Variants in ZFP90 observed in about 807,000 individuals in gnomAD.
ZFP90 encodes zinc finger protein 90 homolog.
In ZFP90, 38 loss-of-function variants were observed where a neutral mutation model predicts 60.8. The ratio of observed to expected loss-of-function variants is 0.62; its 90% CI spans 0.48 to 0.82. ZFP90 has a LOEUF of 0.82. Among genes scored for constraint, ZFP90 ranks in the 40% least tolerant of loss-of-function variants. The pLI is 0.00. For missense variants in ZFP90, 711 were observed against 759.1 expected (o/e 0.94, Z 0.74); for synonymous variants, 287 against 264.8 (o/e 1.08, Z -0.82).
intron 2 of ZFP90, among the ~76,000 whole-genome samples, chr16:68,551,820 G>A (rs1166013648): frequency 3.9e-5 from 6 of 151,938 alleles, no homozygotes; most frequent in African/African-American, 9.7e-5. Flanking sequence ...GTGCAGTGGC[G>A]TGATCTCGGC....
At chr16:68,558,346 C>A in intron 3 of ZFP90, 127 bp from the exon 4 acceptor site, 1 of 1,108,246 alleles carries the variant, frequency 9.0e-7, no homozygotes, top group Non-Finnish European at 1.3e-6. Context: ...TTGCATGACT[C>A]CTTAAGTTGC....
chr16:68,563,927 C>T lies in ZFP90; in HGVS notation c.1140C>T (p.Ser380=), dbSNP rs2091476139. 1 of 1,613,840 alleles carries T rather than the reference C, an allele frequency of 6.2e-7. No homozygotes were observed. Among genetic ancestry groups the T allele is most frequent in the African/African-American group, 1.3e-5 (1 of 74,842 alleles). Residue 380 remains serine (S), a synonymous_variant, in exon 5 of 5, where the codon TCC becomes TCT. Coordinates refer to ENST00000563169, the MANE Select transcript of ZFP90 (RefSeq NM_001305203.2). ...GGAAAGCCTTTAGTCGATGTTCTTC[C>T]CTTGTCCAACATGAGAGGACTCATA... ...ECGKAFSRCS[S]LVQHERTHTG...
At chr16:68,544,731 TCTGTCCAGAG>T (rs1330726452) in intron 2 of ZFP90, among the ~76,000 whole-genome samples, 1 of 152,134 alleles carries the variant, frequency 6.6e-6, no homozygotes, top group African/African-American at 2.4e-5. Flanking sequence ...CCGAGCTCCC[TCTGTCCAGAG>T]GTTCCCCTTC....
intron 2 of ZFP90, among the ~76,000 whole-genome samples, chr16:68,547,220 T>A (rs2091167539): frequency 6.6e-6 from 1 of 152,236 alleles, no homozygotes; most frequent in South Asian, 2.1e-4. Flanking sequence ...TTTACATTCT[T>A]AACAGTGCAC....
rs974838601 is a variant in ZFP90, at chr16:68,566,995, G to C, written c.*2297G>C. 23 of 985,496 alleles carry C rather than the reference G, an allele frequency of 2.3e-5. No individual in the cohort carries two copies. The Middle Eastern group carries it at 1.5e-3, about 66-fold the overall frequency. 61.0% of individuals were successfully genotyped at this position (985,496 alleles called of 1,614,324 possible). A position where few individuals can be genotyped will look rare whatever the true frequency, so the allele number is the denominator to read the frequency against. Reference sequence around the variant, plus strand: ...GGAGGGAGCCCAGGACATATGTGTGGCTCATTGACCAGAAGGCTTTCTTAG... The same window carrying C: ...GGAGGGAGCCCAGGACATATGTGTGCCTCATTGACCAGAAGGCTTTCTTAG... On this transcript the variant is annotated 3_prime_UTR_variant, in exon 5 of 5. Coordinates refer to ENST00000563169, the MANE Select transcript of ZFP90 (RefSeq NM_001305203.2).
At chr16:68,558,694 C>G (rs897102367) in intron 4 of ZFP90, 126 bp downstream of exon 4, 33 of 745,714 alleles carry the variant, frequency 4.4e-5, no homozygotes, top group East Asian at 2.7e-5. Flanking sequence ...AAGCCATCGC[C>G]TGGCCGACAC....
downstream of ZFP90, among the ~76,000 whole-genome samples, chr16:68,567,535 G>T (rs1256691027): frequency 6.6e-6 from 1 of 152,152 alleles, no homozygotes; most frequent in Non-Finnish European, 1.5e-5. Context: ...CCTACTTTGG[G>T]CTTTTGTGTT....
At chr16:68,561,557 A>T (rs1276868794) in intron 4 of ZFP90, among the ~76,000 whole-genome samples, 1 of 152,180 alleles carries the variant, frequency 6.6e-6, no homozygotes, top group South Asian at 2.1e-4. Flanking sequence ...ATGCCATCTG[A>T]TGGTTTTACC....
intron 2 of ZFP90, among the ~76,000 whole-genome samples, chr16:68,549,169 T>A (rs758307894): frequency 6.6e-6 from 1 of 152,172 alleles, no homozygotes; most frequent in Non-Finnish European, 1.5e-5. Context: ...TGAGGAAATG[T>A]GGTGAGAGTG....
Position 68,565,924 on chromosome 16 carries a change from A to G in ZFP90, c.*1226A>G. ...TAGACTGCTTGAACCCAGGAGTTCA[A>G]GACCAGCCTGGACAACATGGTGAAA... is the stretch of plus-strand genomic sequence containing the variant. On this transcript the variant is annotated 3_prime_UTR_variant, in exon 5 of 5. Transcript: ENST00000563169. 5.7e-6 allele frequency: 5 copies of G among 874,674 alleles called. No homozygotes were observed. Among genetic ancestry groups the G allele is most frequent in the Non-Finnish European group, 6.9e-6 (5 of 729,178 alleles). 54.2% of individuals were successfully genotyped at this position (874,674 alleles called of 1,614,324 possible).
At chr16:68,550,770 A>G (rs190702752) in intron 2 of ZFP90, among the ~76,000 whole-genome samples, 9 of 152,354 alleles carry the variant, frequency 5.9e-5, no homozygotes, top group African/African-American at 2.2e-4. Flanking sequence ...CATTCCCTGG[A>G]TTAATGCTGT....
intron 3 of ZFP90, 66 bp downstream of exon 3, chr16:68,558,190 G>C: frequency 6.3e-7 from 1 of 1,595,496 alleles, no homozygotes; most frequent in Admixed American, 1.7e-5. Flanking sequence ...TGCTATAGTG[G>C]TGGTGCCCAG....
At chr16:68,535,694 T>G (rs1352743982), upstream of ZFP90, 1 of 152,208 alleles carries the variant, frequency 6.6e-6, no homozygotes, top group Non-Finnish European at 1.5e-5. Flanking sequence ...AGCTCAAGTT[T>G]GCCTCATTTG....
chr16:68,562,266 C>CA (rs1468943231), intron 4 of ZFP90: 4 of 152,232 alleles, frequency 2.6e-5, no homozygotes, highest in African/African-American at 9.7e-5. Context: ...TGACATAGAA[C>CA]ATTTCCATCA....
upstream of ZFP90, among the ~76,000 whole-genome samples, chr16:68,537,420 C>A (rs1289249781): frequency 2.0e-5 from 3 of 152,164 alleles, no homozygotes; most frequent in Non-Finnish European, 4.4e-5. Context: ...GCCACCATGC[C>A]CAGCCTGCAG....
intron 2 of ZFP90, among the ~76,000 whole-genome samples, chr16:68,540,911 C>CTT (rs34827177): frequency 0.058 from 7,304 of 125,618 alleles, 698 homozygotes; most frequent in African/African-American, 0.18. Context: ...TACATCATGC[C>CTT]TTTTTTTTTT....
intron 2 of ZFP90, among the ~76,000 whole-genome samples, chr16:68,546,419 C>G (rs115001109): frequency 1.6e-3 from 239 of 152,282 alleles, no homozygotes; most frequent in African/African-American, 5.3e-3. Flanking sequence ...ACTTTTCATT[C>G]TTTCTTCTTT....
intron 2 of ZFP90, among the ~76,000 whole-genome samples, chr16:68,544,593 C>T (rs1384714905): frequency 6.6e-6 from 1 of 152,110 alleles, no homozygotes; most frequent in Non-Finnish European, 1.5e-5. Context: ...CTGGTTAGAT[C>T]ATCAGGGTGA....
At chr16:68,543,701 C>T (rs2031266125) in intron 2 of ZFP90, among the ~76,000 whole-genome samples, 1 of 151,926 alleles carries the variant, frequency 6.6e-6, no homozygotes, top group African/African-American at 2.4e-5. Context: ...GCTGGGATTA[C>T]AGGCATGTGT....
Sources: gnomAD v4.1 joint callset for allele counts (sites outside exome capture counted in the v4.1 genomes callset) on GRCh38, gnomAD v4.1.1 for gene constraint, MANE v1.5 for transcripts, NCBI Gene and HGNC (gene_info 2026-07-23, HGNC 2026-07-21) for gene names.